URB1: variants seen among roughly 807,000 people sequenced by gnomAD.
URB1 encodes nucleolar pre-ribosomal-associated protein 1.
In URB1, 197 loss-of-function variants were observed where a neutral mutation model predicts 242.3. The observed-to-expected ratio is 0.81, with a 90% CI of 0.72 to 0.91. URB1 has a LOEUF of 0.91. Among genes scored for constraint, URB1 ranks in the 40% least tolerant of loss-of-function variants. URB1 has a pLI of 0.00. For synonymous variants in URB1, 1,153 were observed against 1,201.8 expected, an observed-to-expected ratio of 0.96 and a Z score of 0.84; for missense variants, 2,721 against 2,860.5, an observed-to-expected ratio of 0.95 and a Z score of 1.11.
chr21:32,334,028 T>C, intron 29 of URB1, 135 bp downstream of exon 29: 1 of 1,171,328 alleles, frequency 8.5e-7, no homozygotes, highest in Non-Finnish European at 1.2e-6. Context: ...GGGTCTGGTC[T>C]CTATACCTTT....
chr21:32,314,809 G>C lies in URB1; in HGVS notation c.*109C>G, dbSNP rs968665482. The stretch of plus-strand genomic sequence containing the variant: ...AGAACTGAGCCAATGTACTGAACCT[G>C]TTGTTTCCCATGCCTTCTCTGGAAA... On this transcript the variant is annotated 3_prime_UTR_variant, in exon 39 of 39. Coordinates refer to ENST00000382751, the MANE Select transcript of URB1 (RefSeq NM_014825.3). The C allele has an allele frequency of 2.7e-6, 4 of 1,475,614 alleles. No individual in the cohort carries two copies. The African/African-American group carries it at 5.6e-5, about 21-fold the overall frequency. 91.4% of individuals were successfully genotyped at this position (1,475,614 alleles called of 1,614,324 possible). A position where few individuals can be genotyped will look rare whatever the true frequency, so the allele number is the denominator to read the frequency against.
chr21:32,389,369 C>T (rs921140613), intron 1 of URB1, among the ~76,000 whole-genome samples: 1 of 152,108 alleles, frequency 6.6e-6, no homozygotes, highest in Non-Finnish European at 1.5e-5. Context: ...CAGTGGGATA[C>T]CACTGAAGGG....
At chr21:32,339,209 G>C (rs942509610) in intron 25 of URB1, among the ~76,000 whole-genome samples, 2 of 152,092 alleles carry the variant, frequency 1.3e-5, no homozygotes, top group African/African-American at 4.8e-5. Flanking sequence ...GGCCAGGTTG[G>C]GCTTGAATTC....
chr21:32,322,504 G>A lies in URB1; in HGVS notation c.5314C>T (p.Gln1772Ter). 2 of 1,552,336 alleles carry A rather than the reference G, an allele frequency of 1.3e-6. No individual in the cohort carries two copies. Among genetic ancestry groups the A allele is most frequent in the East Asian group, 2.4e-5 (1 of 40,926 alleles). The change falls in exon 33 of 39, where the codon CAG becomes TAG. Residue 1772 changes from glutamine to a stop codon, truncating the protein, a stop_gained. Transcript: ENST00000382751. LOFTEE classifies it high-confidence loss of function. ...TCAAAGTCGGAGCTGTAGAAGAACT[G>A]GTAGAAGCCTGGCACTTTGTCCATG... is the stretch of plus-strand genomic sequence containing the variant. Reference protein sequence around the residue: ...LNMDKVPGFYQFFYSSDFEQK... With the variant: ...LNMDKVPGFY
Position 32,314,203 on chromosome 21 carries a change from G to T in URB1, c.*715C>A. ...ACAAACTTTATTTTTTTATTTTTTT[G>T]AGATGGAGTCTTGCTCTGTCACCTA... is the stretch of plus-strand genomic sequence containing the variant. On this transcript the variant is annotated 3_prime_UTR_variant, in exon 39 of 39. Transcript: ENST00000382751. The T allele has an allele frequency of 1.1e-5, 2 of 187,520 alleles. No individual in the cohort carries two copies. Among genetic ancestry groups the T allele is most frequent in the Admixed American group, 5.6e-5 (1 of 17,968 alleles). The allele number at this position is 187,520 out of a possible 1,614,324, so 11.6% of individuals were successfully genotyped here. A position where few individuals can be genotyped will look rare whatever the true frequency, so the allele number is the denominator to read the frequency against.
intron 7 of URB1, 53 bp from the exon 8 acceptor site, chr21:32,372,684 T>A: frequency 6.6e-7 from 1 of 1,518,376 alleles, no homozygotes; most frequent in Non-Finnish European, 8.8e-7. Context: ...TACACTTTAG[T>A]AAGAGCTAGA....
chr21:32,375,761 A>G (rs1475527769), intron 5 of URB1, among the ~76,000 whole-genome samples: 1 of 152,062 alleles, frequency 6.6e-6, no homozygotes, highest in African/African-American at 2.4e-5. Context: ...CCTGGGCAAT[A>G]TAGCAAGACC....
At position 32,317,096 on chromosome 21, in the gene URB1, A is replaced by G. The variant is rs776411198; in HGVS notation, c.6035-31T>C. ...AAATGCACAAAGAGAAGGTAATGAG[A>G]CTGGGGTCCCTCCTGCCCACACAGA... On this transcript the variant is annotated intron_variant, in intron 37 of 38. Coordinates refer to ENST00000382751, the MANE Select transcript of URB1 (RefSeq NM_014825.3). 76 of 1,491,858 alleles carry G rather than the reference A, an allele frequency of 5.1e-5. No individual in the cohort carries two copies. The African/African-American group carries it at 6.9e-4, about 14-fold the overall frequency. The allele number at this position is 1,491,858 out of a possible 1,614,324, so 92.4% of individuals were successfully genotyped here. A position where few individuals can be genotyped will look rare whatever the true frequency, so the allele number is the denominator to read the frequency against.
In URB1 at chr21:32,314,343, C is replaced by T. The variant is rs550738042; in HGVS notation, c.*575G>A. The T allele has an allele frequency of 2.1e-5, 10 of 479,222 alleles. No individual in the cohort carries two copies. The highest frequency in any genetic ancestry group is 2.0e-4 in the South Asian group (10 of 50,504). The allele number at this position is 479,222 out of a possible 1,614,324, so 29.7% of individuals were successfully genotyped here. On this transcript the variant is annotated 3_prime_UTR_variant, in exon 39 of 39. Transcript: ENST00000382751. ...GGAATTACAGGTGTGCGCTACCATG[C>T]CTGGCTAATTTTTGTATTTTTAGTA...
chr21:32,325,997 G>A (rs1021442180), intron 30 of URB1, among the ~76,000 whole-genome samples: 7 of 152,164 alleles, frequency 4.6e-5, no homozygotes, highest in Non-Finnish European at 7.3e-5. Context: ...CCTGTTGGCT[G>A]GTATCCATTT....
intron 1 of URB1, among the ~76,000 whole-genome samples, chr21:32,388,787 T>C (rs756263688): frequency 2.0e-5 from 3 of 152,236 alleles, no homozygotes; most frequent in Non-Finnish European, 2.9e-5. Flanking sequence ...AACTCTAGCA[T>C]GTAACTCTGA....
intron 5 of URB1, chr21:32,377,348 G>C: frequency 2.0e-6 from 1 of 504,072 alleles, no homozygotes; most frequent in Non-Finnish European, 3.9e-6. Flanking sequence ...GTTTTGATGT[G>C]TACAGCCAAA....
chr21:32,320,622 G>A lies in URB1; in HGVS notation c.5503C>T (p.Leu1835=), dbSNP rs369489121. 1.3e-6 allele frequency: 2 copies of A among 1,551,382 alleles called. No homozygotes were observed. The highest frequency in any genetic ancestry group is 2.4e-5 in the South Asian group (2 of 84,046). Residue 1835 remains leucine (L), a synonymous_variant, in exon 35 of 39, where the codon CTA becomes TTA. Transcript: ENST00000382751. ...EAAQNWILEI[L]QNAAQVARSA... ...CTGGCAACCTGGGCAGCATTCTGTA[G>A]AATTTCCAGAATCCAATTCTGAAAA... is the stretch of plus-strand genomic sequence containing the variant.
intron 4 of URB1, among the ~76,000 whole-genome samples, chr21:32,379,211 T>C (rs1348966213): frequency 6.6e-6 from 1 of 152,198 alleles, no homozygotes; most frequent in African/African-American, 2.4e-5. Flanking sequence ...GCTGATCAGC[T>C]TCCCCTCCCA....
In URB1 at chr21:32,352,790, G is replaced by A. The variant is rs911384828; in HGVS notation, c.2533C>T (p.Leu845=). 6.4e-7 allele frequency: 1 copy of A among 1,551,606 alleles called. No individual in the cohort carries two copies. The highest frequency in any genetic ancestry group is 8.7e-7 in the Non-Finnish European group (1 of 1,147,010). ...GAGAGCTGCTGGCAGCAAGGCACCA[G>A]GCATGGAGGCTCAAGCTTATCATAT... ...QAYDKLEPPC[L]VPCCQQLSRF... The change falls in exon 19 of 39, where the codon CTG becomes TTG. Residue 845 remains leucine, a synonymous_variant. Coordinates refer to ENST00000382751, the MANE Select transcript of URB1 (RefSeq NM_014825.3).
intron 32 of URB1, 78 bp downstream of exon 32, chr21:32,324,413 G>A: frequency 1.7e-6 from 2 of 1,204,586 alleles, no homozygotes; most frequent in South Asian, 2.6e-5. Flanking sequence ...CACTATACCT[G>A]TGGGACTAAT....
intron 25 of URB1, 80 bp downstream of exon 25, chr21:32,341,383 TAAC>T: frequency 1.5e-6 from 2 of 1,367,452 alleles, no homozygotes; most frequent in Admixed American, 2.1e-5. Flanking sequence ...ATTATGCTAA[TAAC>T]AAGCTATAAA....
chr21:32,363,993 T>C (rs2033318374), intron 10 of URB1, among the ~76,000 whole-genome samples: 1 of 151,768 alleles, frequency 6.6e-6, no homozygotes, highest in Non-Finnish European at 1.5e-5. Context: ...GGTCTTGCTA[T>C]GTTGCCCAGG....
chr21:32,362,158 A>G, intron 11 of URB1, 137 bp from the exon 12 acceptor site: 1 of 1,176,244 alleles, frequency 8.5e-7, no homozygotes, highest in Admixed American at 2.8e-5. Flanking sequence ...AGGAGAGGGA[A>G]GAGTGGTGAG....
Sources: allele counts gnomAD v4.1 joint callset (sites outside exome capture counted in the v4.1 genomes callset), GRCh38; gene constraint gnomAD v4.1.1; transcripts MANE v1.5; gene names NCBI Gene and HGNC (gene_info 2026-07-23, HGNC 2026-07-21).